Variants in VIP observed in about 807,000 individuals in gnomAD.
The protein encoded by VIP is VIP peptides.
Under a neutral mutation model 20.1 loss-of-function variants are expected in VIP, and 18 were observed. The ratio of observed to expected loss-of-function variants is 0.90; its 90% CI spans 0.62 to 1.33. The LOEUF is 1.33. VIP is among the 40% of genes most tolerant of loss of function. VIP has a pLI of 0.00. For missense variants in VIP, 209 were observed against 199.4 expected, an observed-to-expected ratio of 1.05 and a Z score of -0.29; for synonymous variants, 70 against 68.1, an observed-to-expected ratio of 1.03 and a Z score of -0.14.
chr6:152,754,543 T>C (rs927061422), intron 3 of VIP, among the ~76,000 whole-genome samples: 5 of 151,992 alleles, frequency 3.3e-5, no homozygotes, highest in Admixed American at 2.6e-4. Flanking sequence ...AATTCCAACA[T>C]CACAGATTGT....
At position 152,759,276 on chromosome 6, in the gene VIP, G is replaced by A. The variant is rs1385073798; in HGVS notation, c.*410G>A. 1 of 151,978 alleles carries A rather than the reference G, an allele frequency of 6.6e-6. No homozygotes were observed. Among genetic ancestry groups the A allele is most frequent in the Non-Finnish European group, 1.5e-5 (1 of 67,952 alleles). The allele number at this position is 151,978 out of a possible 1,614,324, so 9.4% of individuals were successfully genotyped here. ...GTGTACTTAACTATTCAGGAGAGTA[G>A]AACAGATAATCAGTGTGTCTAAATT... On this transcript the variant is annotated 3_prime_UTR_variant, in exon 7 of 7. Coordinates refer to ENST00000367244, the MANE Select transcript of VIP (RefSeq NM_003381.4).
At chr6:152,757,235 T>C in intron 6 of VIP, 51 bp downstream of exon 6, 13 of 1,234,508 alleles carry the variant, frequency 1.1e-5, no homozygotes, top group Non-Finnish European at 1.5e-5. Flanking sequence ...TCTCTGATTA[T>C]ATAAGTAGCT....
chr6:152,752,907 T>C (rs1043113304), intron 2 of VIP, among the ~76,000 whole-genome samples: 1 of 152,122 alleles, frequency 6.6e-6, no homozygotes, highest in African/African-American at 2.4e-5. Context: ...ATCCATAAAG[T>C]ATAACACAAC....
rs367572977 is a variant in VIP at position 152,757,236 on chromosome 6, A to G, written c.*43+52A>G. ...TATTCTTATGGCTGTCTCTGATTAT[A>G]TAAGTAGCTAAGAGTCACTTAGTAA... On this transcript the variant is annotated intron_variant, in intron 6 of 6. Transcript: ENST00000367244. 9.4e-4 allele frequency: 1,161 copies of G among 1,240,348 alleles called. 18 individuals are homozygous for G. The South Asian group carries it at 0.015, about 16-fold the overall frequency. 76.8% of individuals were successfully genotyped at this position (1,240,348 alleles called of 1,614,324 possible).
chr6:152,755,839 T>C (rs1191861303), intron 4 of VIP, among the ~76,000 whole-genome samples: 2 of 151,774 alleles, frequency 1.3e-5, no homozygotes, highest in African/African-American at 4.8e-5. Flanking sequence ...AAAAAATTTC[T>C]CCCAATGGCA....
intron 3 of VIP, among the ~76,000 whole-genome samples, chr6:152,754,647 A>G (rs1310225868): frequency 1.3e-5 from 2 of 152,082 alleles, no homozygotes; most frequent in African/African-American, 4.8e-5. Flanking sequence ...TACCTGATAG[A>G]GCTGTTCATT....
intron 2 of VIP, among the ~76,000 whole-genome samples, chr6:152,753,354 T>C (rs1437176523): frequency 6.6e-6 from 1 of 152,146 alleles, no homozygotes; most frequent in East Asian, 1.9e-4. Context: ...GACACGCTCC[T>C]TGGATGTTTG....
intron 2 of VIP, among the ~76,000 whole-genome samples, chr6:152,753,947 T>C (rs1449875061): frequency 6.6e-6 from 1 of 152,074 alleles, no homozygotes; most frequent in African/African-American, 2.4e-5. Flanking sequence ...ATATTCAGCT[T>C]ATAAAAGTCA....
At chr6:152,757,256 T>C (rs1475135837) in intron 6 of VIP, 72 bp downstream of exon 6, 3 of 1,000,074 alleles carry the variant, frequency 3.0e-6, no homozygotes, top group African/African-American at 1.6e-5. Context: ...AAGAGTCACT[T>C]AGTAAGAAAC....
chr6:152,753,648 G>C (rs1343903398), intron 2 of VIP, among the ~76,000 whole-genome samples: 4 of 151,994 alleles, frequency 2.6e-5, no homozygotes, highest in Admixed American at 2.6e-4. Context: ...TAATGCCAAA[G>C]TAAATATTTG....
chr6:152,755,796 C>G (rs1272984840), intron 4 of VIP, among the ~76,000 whole-genome samples: 1 of 151,034 alleles, frequency 6.6e-6, no homozygotes, highest in East Asian at 1.9e-4. Context: ...AGCATAGCTT[C>G]TAAAGAAGTA....
At position 152,756,124 on chromosome 6, in the gene VIP, T is replaced by C. The variant is rs1215580706; in HGVS notation, c.336-10T>C. 2.6e-6 allele frequency: 4 copies of C among 1,528,370 alleles called. No homozygotes were observed. The highest frequency in any genetic ancestry group is 2.6e-6 in the Non-Finnish European group (3 of 1,139,862). The allele number at this position is 1,528,370 out of a possible 1,614,324, so 94.7% of individuals were successfully genotyped here. On this transcript the variant is annotated splice_polypyrimidine_tract_variant and intron_variant, in intron 4 of 6. Coordinates refer to ENST00000367244, the MANE Select transcript of VIP (RefSeq NM_003381.4). ...AAACTCTTTGATTTCCTTTTCCTCA[T>C]GTTCCTTAGCAGTAACATCTCAGAA...
In VIP at chr6:152,752,268, G is replaced by A; in HGVS notation, c.91G>A (p.Ala31Thr). The change falls in exon 2 of 7, where the codon GCA (alanine) becomes ACA (threonine). Residue 31 changes from alanine to threonine, a missense_variant. Ala to Thr is a moderately conservative substitution (Grantham distance 58). Transcript: ENST00000367244. ...GACTTCGGCATGGCCTCTTTACAGG[G>A]CACCTTCTGCTCTCAGGTAAGTTCC... ...SQTSAWPLYR[A>T]PSALRLGDRI... is the part of the protein sequence containing the mutation. The A allele has an allele frequency of 1.2e-6, 2 of 1,612,854 alleles. No homozygotes were observed. The highest frequency in any genetic ancestry group is 1.7e-6 in the Non-Finnish European group (2 of 1,179,498).
intron 6 of VIP, among the ~76,000 whole-genome samples, chr6:152,757,872 A>T (rs185181054): frequency 3.3e-5 from 5 of 152,052 alleles, no homozygotes; most frequent in Non-Finnish European, 7.4e-5. Context: ...TGGGTTCAAG[A>T]CATATTTCTT....
chr6:152,755,221 A>T, intron 3 of VIP, 48 bp from the exon 4 acceptor site: 1 of 1,263,022 alleles, frequency 7.9e-7, no homozygotes, highest in Non-Finnish European at 1.1e-6. Flanking sequence ...ATAATATTCT[A>T]GAAAGCCATT....
At chr6:152,756,954 A>C in intron 5 of VIP, 142 bp from the exon 6 acceptor site, 1 of 675,378 alleles carries the variant, frequency 1.5e-6, no homozygotes, top group South Asian at 2.4e-5. Flanking sequence ...CATAGGTACT[A>C]ACAAACCTCA....
At chr6:152,756,534 T>A (rs1442100268) in intron 5 of VIP, among the ~76,000 whole-genome samples, 1 of 151,974 alleles carries the variant, frequency 6.6e-6, no homozygotes, top group Non-Finnish European at 1.5e-5. Flanking sequence ...GACTTTACTA[T>A]GCTGCCAGTG....
In VIP at chr6:152,751,615, A is replaced by G. The variant is rs944006988; in HGVS notation, c.-10-553A>G. 1.7e-4 allele frequency among the ~76,000 whole-genome samples: 26 copies of G among 152,298 alleles called. No individual in the cohort carries two copies. In the South Asian group the frequency reaches 1.9e-3, roughly 11 times the overall value. On this transcript the variant is annotated intron_variant, in intron 1 of 6. Coordinates refer to ENST00000367244, the MANE Select transcript of VIP (RefSeq NM_003381.4). Reference sequence around the variant, plus strand: ...GAAGTTCAAATCCAGGTGTAAGGAAATAAGTTTCCGTAATATCTACAATTG... The same window carrying G: ...GAAGTTCAAATCCAGGTGTAAGGAAGTAAGTTTCCGTAATATCTACAATTG...
chr6:152,754,414 G>A, intron 3 of VIP, 126 bp downstream of exon 3: 1 of 869,142 alleles, frequency 1.2e-6, no homozygotes. Context: ...AGGTTTCTAT[G>A]TGTCATGGCT....
Sources: gnomAD v4.1 joint callset for allele counts (sites outside exome capture counted in the v4.1 genomes callset) on GRCh38, gnomAD v4.1.1 for gene constraint, MANE v1.5 for transcripts, NCBI Gene and HGNC (gene_info 2026-07-23, HGNC 2026-07-21) for gene names.